CELF6: variants seen among roughly 807,000 people sequenced by gnomAD.
CELF6 encodes CUGBP Elav-like family member 6.
Under a neutral mutation model 53.1 loss-of-function variants are expected in CELF6, and 32 were observed. That is an observed-to-expected ratio of 0.60 (90% CI 0.46 to 0.81). The LOEUF (loss-of-function observed/expected upper bound fraction) is 0.81. Among genes scored for constraint, CELF6 ranks in the 30% least tolerant of loss-of-function variants. The probability of loss-of-function intolerance (pLI) is 0.00; values close to 1 mark genes in which losing one functional copy is unlikely to be tolerated. For synonymous variants in CELF6, 291 were observed against 288.8 expected (o/e 1.01, Z -0.08); for missense variants, 539 against 669.5 (o/e 0.81, Z 2.15).
chr15:72,319,881 G>T lies in CELF6; in HGVS notation c.-7C>A. Reference sequence around the variant, plus strand: ...CTCCCGGCGCCGCGGCCATGTCCCCGCCCTGTCAGCCCTCCCGCCGGTCCC... The same window carrying T: ...CTCCCGGCGCCGCGGCCATGTCCCCTCCCTGTCAGCCCTCCCGCCGGTCCC... On this transcript the variant is annotated 5_prime_UTR_variant, in exon 1 of 13. Transcript: ENST00000287202. This position sits in a 1 kb window ranked among gnomAD's most constrained non-coding sequence, Gnocchi z 5.0. 6.9e-7 allele frequency: 1 copy of T among 1,454,836 alleles called. No individual in the cohort carries two copies. The allele number at this position is 1,454,836 out of a possible 1,614,324, so 90.1% of individuals were successfully genotyped here.
intron 2 of CELF6, chr15:72,306,244 T>C: frequency 2.0e-6 from 2 of 984,760 alleles, no homozygotes; most frequent in Non-Finnish European, 1.2e-6. Flanking sequence ...GAATTATTGT[T>C]GGGGGGCAGG....
intron 1 of CELF6, among the ~76,000 whole-genome samples, chr15:72,316,881 G>A (rs2088370523): frequency 6.6e-6 from 1 of 152,160 alleles, no homozygotes; most frequent in East Asian, 1.9e-4. Flanking sequence ...ATGGGGATTA[G>A]ACAAATCATG....
intron 3 of CELF6, among the ~76,000 whole-genome samples, chr15:72,290,703 C>T (rs1804485661): frequency 6.6e-6 from 1 of 152,186 alleles, no homozygotes; most frequent in South Asian, 2.1e-4. Context: ...TACATCCTTG[C>T]TGGTCAGCCT....
intron 3 of CELF6, chr15:72,292,166 G>A (rs1027407823): frequency 1.3e-6 from 2 of 1,485,524 alleles, no homozygotes; most frequent in South Asian, 1.2e-5. Flanking sequence ...TCCCTAGAGG[G>A]GCTCCAAGGA....
At chr15:72,311,853 G>C (rs1238994039) in intron 2 of CELF6, among the ~76,000 whole-genome samples, 1 of 152,210 alleles carries the variant, frequency 6.6e-6, no homozygotes, top group Non-Finnish European at 1.5e-5. Flanking sequence ...TTTCCTCTGG[G>C]CTGACAAAGC....
intron 3 of CELF6, among the ~76,000 whole-genome samples, chr15:72,298,513 G>T (rs2088107424): frequency 6.6e-6 from 1 of 152,016 alleles, no homozygotes; most frequent in Admixed American, 6.5e-5. Context: ...AGAGTGCATG[G>T]ATTGATTACC....
At chr15:72,298,839 T>G (rs984673700) in intron 3 of CELF6, among the ~76,000 whole-genome samples, 1 of 152,166 alleles carries the variant, frequency 6.6e-6, no homozygotes, top group Non-Finnish European at 1.5e-5. Flanking sequence ...ACAGACTTAT[T>G]TAGTTACCAT....
chr15:72,307,115 A>G lies in CELF6; in HGVS notation c.346-2321T>C, dbSNP rs560919927. On this transcript the variant is annotated intron_variant, in intron 2 of 12. Coordinates refer to ENST00000287202, the MANE Select transcript of CELF6 (RefSeq NM_052840.5). ...ACCATCATTATTTTATTAGTTCTTAAATAGATCCTGAGAATTTCTCTCTGG... is the reference window on the plus strand; with the variant it reads ...ACCATCATTATTTTATTAGTTCTTAGATAGATCCTGAGAATTTCTCTCTGG... Among the ~76,000 whole-genome samples the G allele has an allele frequency of 3.3e-5, 5 of 152,184 alleles. No individual in the cohort carries two copies. The South Asian group carries it at 8.3e-4, about 25-fold the overall frequency.
At chr15:72,287,188 GGGCCTCATCACTCA>G in intron 12 of CELF6, 35 bp downstream of exon 12, 1 of 1,518,190 alleles carries the variant, frequency 6.6e-7, no homozygotes, top group South Asian at 1.2e-5. Context: ...AAAGCTGGGA[GGGCCTCATCACTCA>G]GGCCTCATCT....
At chr15:72,292,169 T>C (rs1251001315) in intron 3 of CELF6, 13 of 1,508,318 alleles carry the variant, frequency 8.6e-6, no homozygotes, top group Non-Finnish European at 1.2e-5. Context: ...CTAGAGGGGC[T>C]CCAAGGAAAG....
At chr15:72,318,193 C>T (rs938144955) in intron 1 of CELF6, among the ~76,000 whole-genome samples, 5 of 152,110 alleles carry the variant, frequency 3.3e-5, no homozygotes, top group African/African-American at 1.2e-4. Context: ...GAGGTATTGT[C>T]CTTTCATACA....
At chr15:72,297,195 C>T (rs371524902) in intron 3 of CELF6, among the ~76,000 whole-genome samples, 2 of 152,166 alleles carry the variant, frequency 1.3e-5, no homozygotes, top group East Asian at 1.9e-4. Context: ...TTATTATTAA[C>T]TACAGTCTCC....
At chr15:72,291,070 C>T (rs901350391) in intron 3 of CELF6, among the ~76,000 whole-genome samples, 1 of 152,182 alleles carries the variant, frequency 6.6e-6, no homozygotes, top group African/African-American at 2.4e-5. Context: ...GCCCTGATGC[C>T]TCCCAAAATG....
chr15:72,315,079 A>C (rs2088345875), intron 2 of CELF6, among the ~76,000 whole-genome samples: 1 of 152,242 alleles, frequency 6.6e-6, no homozygotes, highest in South Asian at 2.1e-4. Context: ...TGAGAGGCCT[A>C]GAACTGGACA....
Position 72,285,867 on chromosome 15 carries a change from G to C in CELF6, c.*504C>G, listed in dbSNP as rs1197976689. ...ATCTGCCTAGGCTGGGGCTGTCAAG[G>C]GTCTCCTTCACCCTGTCTCCTAGGG... is the stretch of plus-strand genomic sequence containing the variant. On this transcript the variant is annotated 3_prime_UTR_variant, in exon 13 of 13. Transcript: ENST00000287202. The C allele has an allele frequency of 6.6e-6, 1 of 152,432 alleles. No homozygotes were observed. Among genetic ancestry groups the C allele is most frequent in the Non-Finnish European group, 1.5e-5 (1 of 67,992 alleles). 9.4% of individuals were successfully genotyped at this position (152,432 alleles called of 1,614,324 possible). A position where few individuals can be genotyped will look rare whatever the true frequency, so the allele number is the denominator to read the frequency against.
chr15:72,314,601 T>TG (rs1275095048), intron 2 of CELF6, among the ~76,000 whole-genome samples: 2 of 145,500 alleles, frequency 1.4e-5, no homozygotes, highest in African/African-American at 5.4e-5. Context: ...TTTTTTTTTT[T>TG]TTTTTTTTTT....
chr15:72,319,846 T>A lies in CELF6; in HGVS notation c.29A>T (p.Gln10Leu). The A allele has an allele frequency of 6.5e-7, 1 of 1,534,000 alleles. No individual in the cohort carries two copies. Among genetic ancestry groups the A allele is most frequent in the Non-Finnish European group, 8.8e-7 (1 of 1,138,842 alleles). ...CAGGCGCGGGCCGGGGCCAGCGGGC[T>A]GCGCTGACCCTCCCGGCGCCGCGGC... Reference protein sequence around the residue: MAAAPGGSAQPAGPGPRLGF... With the variant: MAAAPGGSALPAGPGPRLGF... The change falls in exon 1 of 13, where the codon CAG (glutamine) becomes CTG (leucine). Residue 10 changes from glutamine to leucine, a missense_variant. Coordinates refer to ENST00000287202, the MANE Select transcript of CELF6 (RefSeq NM_052840.5). The surrounding 1 kb of genome is among the most constrained non-coding windows in gnomAD (Gnocchi z 5.0).
rs2140310273 is a variant in CELF6, at chr15:72,319,478, G to A, written c.262+135C>T. The A allele has an allele frequency of 1.1e-6, 1 of 944,286 alleles. No homozygotes were observed. The highest frequency in any genetic ancestry group is 1.8e-5 in the South Asian group (1 of 56,758). The allele number at this position is 944,286 out of a possible 1,614,324, so 58.5% of individuals were successfully genotyped here. On this transcript the variant is annotated intron_variant, in intron 1 of 12. Transcript: ENST00000287202. This position sits in a 1 kb window ranked among gnomAD's most constrained non-coding sequence, Gnocchi z 5.0. ...AGAAAATTCTGTGATCTGGGAAGGGGGCTGGGCTGAGGTGGGGCTGATATT... is the reference window on the plus strand; with the variant it reads ...AGAAAATTCTGTGATCTGGGAAGGGAGCTGGGCTGAGGTGGGGCTGATATT...
At chr15:72,309,400 A>G (rs1266639980) in intron 2 of CELF6, among the ~76,000 whole-genome samples, 1 of 152,204 alleles carries the variant, frequency 6.6e-6, no homozygotes, top group East Asian at 1.9e-4. Context: ...GTGTAGGAAG[A>G]ATTAACTGGG....
Sources: gnomAD v4.1 joint callset for allele counts (sites outside exome capture counted in the v4.1 genomes callset) on GRCh38, gnomAD v4.1.1 for gene constraint, Gnocchi (gnomAD v3.1) non-coding constraint, MANE v1.5 for transcripts, NCBI Gene and HGNC (gene_info 2026-07-23, HGNC 2026-07-21) for gene names.